The following ATP1A1 variants were observed in gnomAD, a reference collection of about 807,000 sequenced individuals.
ATP1A1 encodes the protein ATPase Na+/K+ transporting subunit alpha 1.
ATP1A1 carries 14 observed loss-of-function variants against 114.8 expected under a neutral mutation model. The ratio of observed to expected loss-of-function variants is 0.12; its 90% CI spans 0.08 to 0.19. ATP1A1 has a LOEUF of 0.19. Ranked by LOEUF, ATP1A1 falls within the 10% of genes least tolerant of loss-of-function variation. The pLI is 1.00. For missense variants in ATP1A1, 524 were observed against 1,290.7 expected (o/e 0.41, Z 9.10); for synonymous variants, 471 against 466.3 (o/e 1.01, Z -0.13).
chr1:116,390,915 G>A (rs1470859008), intron 10 of ATP1A1, 24 bp downstream of exon 10: 6 of 1,586,632 alleles, frequency 3.8e-6, no homozygotes, highest in East Asian at 2.2e-5. Flanking sequence ...TTAACTAATG[G>A]AGGGATGTAG....
chr1:116,390,539 T>G (rs1557786339), intron 9 of ATP1A1, 128 bp downstream of exon 9: 7 of 1,008,920 alleles, frequency 6.9e-6, no homozygotes, highest in South Asian at 1.8e-5. Context: ...CTTTTTTGTT[T>G]TTTTTTTTTT....
In ATP1A1 at chr1:116,401,015, G is replaced by C; in HGVS notation, c.2718+9G>C. 1 of 1,614,162 alleles carries C rather than the reference G, an allele frequency of 6.2e-7. No individual in the cohort carries two copies. Among genetic ancestry groups the C allele is most frequent in the South Asian group, 1.1e-5 (1 of 91,074 alleles). ...GCTACGGGCAGCAGTGGGTGAGTGG[G>C]CACCTCTGACCTGACCAGTGTCAGA... On this transcript the variant is annotated intron_variant, in intron 19 of 22. Coordinates refer to ENST00000295598, the MANE Select transcript of ATP1A1 (RefSeq NM_000701.8). The surrounding 1 kb of genome is among the most constrained non-coding windows in gnomAD (Gnocchi z 4.7).
Position 116,389,404 on chromosome 1 carries a change from A to G in ATP1A1, c.755-35A>G, listed in dbSNP as rs768969158. On this transcript the variant is annotated intron_variant, in intron 7 of 22. Transcript: ENST00000295598. This position sits in a 1 kb window ranked among gnomAD's most constrained non-coding sequence, Gnocchi z 6.9. Reference sequence around the variant, plus strand: ...CCGTGGCTTCCTTCAGGTTAGATACAATTAGGTACAGTTCTCCCTCCCCTT... The same window carrying G: ...CCGTGGCTTCCTTCAGGTTAGATACGATTAGGTACAGTTCTCCCTCCCCTT... 10 of 1,609,236 alleles carry G rather than the reference A, an allele frequency of 6.2e-6. No homozygotes were observed. Among genetic ancestry groups the G allele is most frequent in the Non-Finnish European group, 8.5e-6 (10 of 1,176,262 alleles).
intron 10 of ATP1A1, among the ~76,000 whole-genome samples, chr1:116,391,166 C>A (rs912604581): frequency 6.6e-6 from 1 of 152,150 alleles, no homozygotes; most frequent in Non-Finnish European, 1.5e-5. Context: ...GGAAGACAGT[C>A]TTTATTGGTG....
intron 21 of ATP1A1, among the ~76,000 whole-genome samples, chr1:116,403,136 A>G (rs1653653530): frequency 6.6e-6 from 1 of 152,182 alleles, no homozygotes; most frequent in Non-Finnish European, 1.5e-5. Flanking sequence ...CCAATTTTGG[A>G]AGGTGGTTCA....
Position 116,404,061 on chromosome 1 carries a change from A to G in ATP1A1, c.3043+86A>G, listed in dbSNP as rs915540127. 6.1e-6 allele frequency: 8 copies of G among 1,312,150 alleles called. No homozygotes were observed. The Admixed American group carries it at 1.2e-4, about 19-fold the overall frequency. 81.3% of individuals were successfully genotyped at this position (1,312,150 alleles called of 1,614,324 possible). On this transcript the variant is annotated intron_variant, in intron 22 of 22. Coordinates refer to ENST00000295598, the MANE Select transcript of ATP1A1 (RefSeq NM_000701.8). The surrounding 1 kb of genome is among the most constrained non-coding windows in gnomAD (Gnocchi z 4.8). ...GTTTTTTGTTTCCCTCAAGGTGTCT[A>G]GGCTCCCTCAGTGGTCAGTCTGATT...
rs751394163 is a variant in ATP1A1 at position 116,399,095 on chromosome 1, C to A, written c.2448+11C>A. ...TTGGGCACTGACATGGTGAGTGTCA[C>A]AACAGTCACAGATCGATAGTAGTGA... is the stretch of plus-strand genomic sequence containing the variant. On this transcript the variant is annotated intron_variant, in intron 17 of 22. Transcript: ENST00000295598. This position sits in a 1 kb window ranked among gnomAD's most constrained non-coding sequence, Gnocchi z 5.0. 6.2e-7 allele frequency: 1 copy of A among 1,613,968 alleles called. No individual in the cohort carries two copies. Among genetic ancestry groups the A allele is most frequent in the Non-Finnish European group, 8.5e-7 (1 of 1,180,006 alleles).
In ATP1A1 at chr1:116,381,914, C is replaced by T. The variant is rs7526569; in HGVS notation, c.13-2100C>T. Among the ~76,000 whole-genome samples the T allele has an allele frequency of 0.032, 4,890 of 152,238 alleles. 231 individuals carry two copies. Among genetic ancestry groups the T allele is most frequent in the African/African-American group, 0.098 (4,077 of 41,506 alleles). On this transcript the variant is annotated intron_variant, in intron 1 of 22. Transcript: ENST00000295598. The surrounding 1 kb of genome is among the most constrained non-coding windows in gnomAD (Gnocchi z 5.1). ...AATACAGGCTGGGCACGGTGGCTCA[C>T]GCCTGTAATCCCAGCACTTTGGGAG... is the stretch of plus-strand genomic sequence containing the variant.
At chr1:116,396,208 G>A (rs1652906429) in intron 13 of ATP1A1, among the ~76,000 whole-genome samples, 1 of 150,816 alleles carries the variant, frequency 6.6e-6, no homozygotes, top group Non-Finnish European at 1.5e-5. Flanking sequence ...TCCAAGTTGT[G>A]CCAATTTGAG....
In ATP1A1 at chr1:116,397,542, AGT is replaced by A. The variant is rs1653033441; in HGVS notation, c.1974-344_1974-343del. 6.6e-6 allele frequency among the ~76,000 whole-genome samples: 1 copy of A among 152,094 alleles called. No homozygotes were observed. The highest frequency in any genetic ancestry group is 1.5e-5 in the Non-Finnish European group (1 of 68,006). The stretch of plus-strand genomic sequence containing the variant: ...AGCTGGTCTCGAACTCCTGACCTCA[AGT>A]GATCCACTCACCTCAGCCTCCCAAA... On this transcript the variant is annotated intron_variant, in intron 14 of 22. Coordinates refer to ENST00000295598, the MANE Select transcript of ATP1A1 (RefSeq NM_000701.8). This position sits in a 1 kb window ranked among gnomAD's most constrained non-coding sequence, Gnocchi z 4.2.
At chr1:116,374,157 A>C in intron 1 of ATP1A1, 1 of 1,549,022 alleles carries the variant, frequency 6.5e-7, no homozygotes, top group Non-Finnish European at 8.7e-7. Flanking sequence ...CCAAAGAAAA[A>C]ACTGGCTGCT....
At chr1:116,374,531 G>A (rs1430763565) in intron 1 of ATP1A1, among the ~76,000 whole-genome samples, 5 of 152,220 alleles carry the variant, frequency 3.3e-5, no homozygotes, top group Admixed American at 6.5e-5. Context: ...GGAGAGCGGC[G>A]CGGAGCGTGG....
rs200285355 is a variant in ATP1A1 at position 116,397,904 on chromosome 1, G to A, written c.1990G>A (p.Val664Ile). The change falls in exon 15 of 23, where the codon GTA becomes ATA. Residue 664 changes from valine (V) to isoleucine (I), a missense_variant. Coordinates refer to ENST00000295598, the MANE Select transcript of ATP1A1 (RefSeq NM_000701.8). This position sits in a 1 kb window ranked among gnomAD's most constrained non-coding sequence, Gnocchi z 4.2. ...QVNPRDAKAC[V>I]VHGSDLKDMT... ...TAATTCTAGGGATGCCAAGGCCTGC[G>A]TAGTACACGGCAGTGATCTAAAGGA... 5.6e-6 allele frequency: 9 copies of A among 1,611,298 alleles called. No homozygotes were observed. Among genetic ancestry groups the A allele is most frequent in the East Asian group, 4.5e-5 (2 of 44,838 alleles).
At chr1:116,378,822 A>G (rs149445635) in intron 1 of ATP1A1, among the ~76,000 whole-genome samples, 1 of 152,244 alleles carries the variant, frequency 6.6e-6, no homozygotes, top group African/African-American at 2.4e-5. Flanking sequence ...CTGATTATTA[A>G]TCAGTTGTCT....
At chr1:116,396,277 T>C (rs1287709261) in intron 13 of ATP1A1, among the ~76,000 whole-genome samples, 1 of 104,530 alleles carries the variant, frequency 9.6e-6, no homozygotes, top group Non-Finnish European at 1.8e-5. Flanking sequence ...ATTTTTATCC[T>C]TTTTTTTTTT....
At chr1:116,374,517 G>A (rs1197375688) in intron 1 of ATP1A1, among the ~76,000 whole-genome samples, 2 of 152,202 alleles carry the variant, frequency 1.3e-5, no homozygotes, top group African/African-American at 4.8e-5. Flanking sequence ...GGGGTCTTGG[G>A]GCTGGAGAGC....
Position 116,403,995 on chromosome 1 carries a change from C to T in ATP1A1, c.3043+20C>T, listed in dbSNP as rs1653762497. On this transcript the variant is annotated intron_variant, in intron 22 of 22. Transcript: ENST00000295598. ...CTGGCGGTAATTATGGGCATTCTGA[C>T]TTTGGTTGGAGGAGGAGTGGGAGGG... is the stretch of plus-strand genomic sequence containing the variant. 2 of 1,609,834 alleles carry T rather than the reference C, an allele frequency of 1.2e-6. No homozygotes were observed. The highest frequency in any genetic ancestry group is 1.7e-4 in the Middle Eastern group (1 of 6,052).
chr1:116,388,485 G>A lies in ATP1A1; in HGVS notation c.502-153G>A. ...ACAGCAATATCTCTTAAACTGGCGAGCAAGCTTTTGTAACTTGTGTAAATA... is the reference window on the plus strand; with the variant it reads ...ACAGCAATATCTCTTAAACTGGCGAACAAGCTTTTGTAACTTGTGTAAATA... On this transcript the variant is annotated intron_variant, in intron 5 of 22. Coordinates refer to ENST00000295598, the MANE Select transcript of ATP1A1 (RefSeq NM_000701.8). This position sits in a 1 kb window ranked among gnomAD's most constrained non-coding sequence, Gnocchi z 5.6. 8.5e-7 allele frequency: 1 copy of A among 1,172,110 alleles called. No individual in the cohort carries two copies. The highest frequency in any genetic ancestry group is 2.5e-5 in the East Asian group (1 of 39,400). The allele number at this position is 1,172,110 out of a possible 1,614,324, so 72.6% of individuals were successfully genotyped here.
intron 3 of ATP1A1, among the ~76,000 whole-genome samples, chr1:116,386,761 C>T (rs1016571634): frequency 1.3e-5 from 2 of 152,024 alleles, no homozygotes; most frequent in Non-Finnish European, 2.9e-5. Context: ...GGAGGTGAGC[C>T]CTTCCCTGCC....
Sources: gnomAD v4.1 joint callset for allele counts (sites outside exome capture counted in the v4.1 genomes callset) on GRCh38, gnomAD v4.1.1 for gene constraint, Gnocchi (gnomAD v3.1) non-coding constraint, MANE v1.5 for transcripts, NCBI Gene and HGNC (gene_info 2026-07-23, HGNC 2026-07-21) for gene names.